Variants in DMD observed in about 807,000 individuals in gnomAD.
DMD encodes mutant dystrophin.
In DMD, 63 loss-of-function variants were observed where a neutral mutation model predicts 330.1. That is an observed-to-expected ratio of 0.19 (90% CI 0.16 to 0.24). The LOEUF is 0.24. Among genes scored for constraint, DMD ranks in the 10% least tolerant of loss-of-function variants. The pLI, the probability that DMD is intolerant of heterozygous loss-of-function variation, is 1.00. For synonymous variants in DMD, 1,223 were observed against 959.8 expected, an observed-to-expected ratio of 1.27 and a Z score of -5.07; for missense variants, 3,344 against 2,684.1, an observed-to-expected ratio of 1.25 and a Z score of -5.43.
At chrX:32,878,858 A>C (rs1373448940) in intron 2 of DMD, among the ~76,000 whole-genome samples, 1 of 107,933 alleles carries the variant, frequency 9.3e-6, no homozygotes, top group African/African-American at 3.4e-5. Flanking sequence ...AAACACAAAA[A>C]TTAGCCGGGC....
intron 1 of DMD, among the ~76,000 whole-genome samples, chrX:33,034,373 C>T (rs1234873731): frequency 9.0e-6 from 1 of 111,343 alleles, no homozygotes; most frequent in South Asian, 3.8e-4. Flanking sequence ...GTAGTTTTAG[C>T]TTTGAACCTG....
chrX:33,288,753 C>T (rs992687680), intron 1 of DMD, among the ~76,000 whole-genome samples: 1 of 111,894 alleles, frequency 8.9e-6, no homozygotes, highest in Non-Finnish European at 1.9e-5. Context: ...TCTCTCCCTC[C>T]AATTTTTATA....
At chrX:33,257,305 C>A (rs763364584) in intron 1 of DMD, among the ~76,000 whole-genome samples, 14 of 111,050 alleles carry the variant, frequency 1.3e-4, no homozygotes, top group African/African-American at 4.2e-4. Flanking sequence ...GTCCTCCCTC[C>A]AATTTTTTTT....
intron 7 of DMD, among the ~76,000 whole-genome samples, chrX:32,713,771 G>C (rs935180985): frequency 2.7e-5 from 3 of 111,798 alleles, no homozygotes; most frequent in Non-Finnish European, 5.6e-5. Flanking sequence ...TTGTGGGCAT[G>C]TGAGTGTGTA....
intron 43 of DMD, among the ~76,000 whole-genome samples, chrX:32,222,659 C>A (rs1171559505): frequency 1.8e-5 from 2 of 111,673 alleles, no homozygotes; most frequent in African/African-American, 6.5e-5. Context: ...ATTAGTGTAC[C>A]TCTATTTGGC....
intron 61 of DMD, among the ~76,000 whole-genome samples, chrX:31,334,024 C>T (rs1454687390): frequency 9.0e-6 from 1 of 111,368 alleles, no homozygotes; most frequent in East Asian, 2.8e-4. Flanking sequence ...CCTCCGCCTC[C>T]TGGGTTCAAG....
In DMD at chrX:31,717,328, G is replaced by T. The variant is rs1334436140; in HGVS notation, c.7660+12303C>A. Among the ~76,000 whole-genome samples, 5 of 109,726 alleles carry T rather than the reference G, an allele frequency of 4.6e-5. No individual in the cohort carries two copies. The Admixed American group carries it at 5.0e-4, about 11-fold the overall frequency. ...TTACCAAAATACCAAGCTACTGAAG[G>T]GAAACGTGGGCATTTTGGTTGCCCT... On this transcript the variant is annotated intron_variant, in intron 52 of 78. Transcript: ENST00000357033.
chrX:32,667,172 A>G (rs1444505726), intron 9 of DMD, among the ~76,000 whole-genome samples: 1 of 111,579 alleles, frequency 9.0e-6, no homozygotes, highest in Non-Finnish European at 1.9e-5. Context: ...CTTGGATGAC[A>G]TCAATGAGCT....
At chrX:31,303,802 C>T (rs1366472965) in intron 62 of DMD, among the ~76,000 whole-genome samples, 1 of 111,769 alleles carries the variant, frequency 8.9e-6, no homozygotes, top group African/African-American at 3.2e-5. Context: ...TGCTAAATTG[C>T]CTTGACACAT....
chrX:32,244,619 C>T (rs1271738815), intron 43 of DMD, among the ~76,000 whole-genome samples: 22 of 87,932 alleles, frequency 2.5e-4, no homozygotes, highest in Non-Finnish European at 4.6e-4. Flanking sequence ...CTCTCCAGCA[C>T]CTGTTGTTTC....
rs145979262 is a variant in DMD at position 32,324,692 on chromosome X, T to C, written c.5923-14416A>G. 1.6e-4 allele frequency among the ~76,000 whole-genome samples: 18 copies of C among 111,859 alleles called. No individual in the cohort carries two copies. In the East Asian group the frequency reaches 4.2e-3, roughly 26 times the overall value. The stretch of plus-strand genomic sequence containing the variant: ...AAGGAGAACATGATAAAATCATAGC[T>C]GTAGTTGGTACCTTACATACAACTC... On this transcript the variant is annotated intron_variant, in intron 41 of 78. Coordinates refer to ENST00000357033, the MANE Select transcript of DMD (RefSeq NM_004006.3).
At chrX:31,355,146 A>G (rs2058608968) in intron 60 of DMD, among the ~76,000 whole-genome samples, 1 of 112,659 alleles carries the variant, frequency 8.9e-6, no homozygotes, top group African/African-American at 3.2e-5. Flanking sequence ...AATTATTTCA[A>G]ATAAATTTAT....
At chrX:31,189,862 T>G (rs2148410023) in intron 67 of DMD, among the ~76,000 whole-genome samples, 1 of 112,575 alleles carries the variant, frequency 8.9e-6, no homozygotes, top group African/African-American at 3.2e-5. Flanking sequence ...GAAGACAAAA[T>G]AAGTTACTTT....
At chrX:31,920,092 G>A (rs1176457937) in intron 47 of DMD, among the ~76,000 whole-genome samples, 5 of 112,016 alleles carry the variant, frequency 4.5e-5, no homozygotes, top group Non-Finnish European at 9.4e-5. Context: ...AACCAACCCA[G>A]CATTTGGTAT....
intron 9 of DMD, among the ~76,000 whole-genome samples, chrX:32,667,773 T>TG (rs1569428934): frequency 1.9e-5 from 2 of 107,872 alleles, no homozygotes; most frequent in Non-Finnish European, 3.8e-5. Flanking sequence ...TTGTGTTTTT[T>TG]TTTTTTTTTT....
intron 29 of DMD, among the ~76,000 whole-genome samples, chrX:32,416,754 C>T (rs887899453): frequency 2.7e-5 from 3 of 111,336 alleles, no homozygotes; most frequent in African/African-American, 9.8e-5. Context: ...ACTCAACCTG[C>T]CCTTCAGAAA....
At chrX:32,582,517 C>G (rs73461707) in intron 13 of DMD, among the ~76,000 whole-genome samples, 1,234 of 111,631 alleles carry the variant, frequency 0.011, 17 homozygotes, top group African/African-American at 0.038. Flanking sequence ...GATTGAAAGA[C>G]TTTACATAAT....
intron 2 of DMD, among the ~76,000 whole-genome samples, chrX:33,009,683 T>TATATACAC (rs1193866144): frequency 0.044 from 1,924 of 44,088 alleles, 604 homozygotes; most frequent in African/African-American, 0.11. Flanking sequence ...CGTATATGTG[T>TATATACAC]ATATGCACAT....
At chrX:32,106,566 T>TTCAGCTTCTGTAG (rs1331701884) in intron 44 of DMD, among the ~76,000 whole-genome samples, 1 of 111,762 alleles carries the variant, frequency 8.9e-6, no homozygotes, top group Non-Finnish European at 1.9e-5. Flanking sequence ...AAGAATCCAC[T>TTCAGCTTCTGTAG]TCAGCTTCTG....
Sources: allele counts gnomAD v4.1 joint callset (sites outside exome capture counted in the v4.1 genomes callset), GRCh38; gene constraint gnomAD v4.1.1; transcripts MANE v1.5; gene names NCBI Gene and HGNC (gene_info 2026-07-23, HGNC 2026-07-21).